Variants in CDK15 observed in about 807,000 individuals in gnomAD.
CDK15 encodes cyclin dependent kinase 15, also known as cyclin-dependent kinase 15.
Under a neutral mutation model 60.3 loss-of-function variants are expected in CDK15, and 62 were observed. The ratio of observed to expected loss-of-function variants is 1.03; its 90% CI spans 0.84 to 1.27. The LOEUF is 1.27. Ranked by LOEUF, CDK15 falls within the 50% of genes most tolerant of loss-of-function variation. The pLI is 0.00. For missense variants in CDK15, 541 were observed against 527.8 expected, an observed-to-expected ratio of 1.03 and a Z score of -0.25; for synonymous variants, 194 against 195.7, an observed-to-expected ratio of 0.99 and a Z score of 0.07.
At chr2:201,888,965 A>G (rs896846200) in intron 12 of CDK15, 1 of 986,254 alleles carries the variant, frequency 1.0e-6, no homozygotes, top group Admixed American at 6.1e-5. Flanking sequence ...AGAATACAAA[A>G]TTGCATATTA....
chr2:201,809,604 ACT>A (rs72486890), intron 3 of CDK15, among the ~76,000 whole-genome samples: 4,193 of 152,204 alleles, frequency 0.028, 164 homozygotes, highest in African/African-American at 0.089. Context: ...ATATATCAAA[ACT>A]CTACGTTAGA....
chr2:201,809,196 C>A (rs1182213274), intron 3 of CDK15, among the ~76,000 whole-genome samples: 1 of 152,150 alleles, frequency 6.6e-6, no homozygotes, highest in South Asian at 2.1e-4. Context: ...TGGCTCGGAA[C>A]GGGGGCACCC....
chr2:201,870,571 CA>C (rs1260277146), intron 10 of CDK15, among the ~76,000 whole-genome samples: 1 of 146,094 alleles, frequency 6.8e-6, no homozygotes, highest in Admixed American at 6.8e-5. Flanking sequence ...AAAAACAAAA[CA>C]AAACAAAAAA....
At chr2:201,839,281 T>C (rs1214884258) in intron 8 of CDK15, among the ~76,000 whole-genome samples, 1 of 152,208 alleles carries the variant, frequency 6.6e-6, no homozygotes, top group Non-Finnish European at 1.5e-5. Context: ...ATACATCAGA[T>C]AAACCTAGTT....
intron 4 of CDK15, among the ~76,000 whole-genome samples, chr2:201,822,090 G>T (rs1195130848): frequency 6.6e-6 from 1 of 152,110 alleles, no homozygotes; most frequent in East Asian, 1.9e-4. Flanking sequence ...CAGTCACTTG[G>T]CCTTTTGTGA....
At chr2:201,876,647 C>T in intron 11 of CDK15, 2 of 1,083,998 alleles carry the variant, frequency 1.8e-6, no homozygotes, top group Non-Finnish European at 2.5e-6. Flanking sequence ...CCAGAAACCA[C>T]CAGAAGCCCT....
At chr2:201,864,994 G>A (rs1368685978) in intron 10 of CDK15, among the ~76,000 whole-genome samples, 1 of 152,208 alleles carries the variant, frequency 6.6e-6, no homozygotes, top group Non-Finnish European at 1.5e-5. Context: ...GGCCAGTACT[G>A]CAGGACTGGG....
intron 10 of CDK15, among the ~76,000 whole-genome samples, chr2:201,860,044 G>T (rs1000924622): frequency 3.9e-5 from 6 of 152,200 alleles, no homozygotes; most frequent in Non-Finnish European, 7.3e-5. Flanking sequence ...CCCAGTTGTG[G>T]TTTTTAATGT....
intron 8 of CDK15, among the ~76,000 whole-genome samples, chr2:201,843,928 T>G (rs200561502): frequency 7.3e-5 from 2 of 27,400 alleles, no homozygotes; most frequent in East Asian, 3.2e-3. Context: ...CAAAATGACT[T>G]CTTGGTTCCC....
In CDK15 at chr2:201,812,471, C is replaced by T. The variant is rs765521687; in HGVS notation, c.369-12C>T. ...CTCAATAAGTGTGTGCCCCTCAATC[C>T]CTCTCTTCTAGAATAAATGGACAAC... On this transcript the variant is annotated splice_polypyrimidine_tract_variant and intron_variant, in intron 3 of 13. Transcript: ENST00000652192. 3.7e-6 allele frequency: 6 copies of T among 1,601,478 alleles called. No homozygotes were observed. Among genetic ancestry groups the T allele is most frequent in the Middle Eastern group, 1.7e-4 (1 of 6,028 alleles).
intron 3 of CDK15, among the ~76,000 whole-genome samples, chr2:201,811,569 C>T (rs1038291542): frequency 6.6e-6 from 1 of 152,090 alleles, no homozygotes; most frequent in Non-Finnish European, 1.5e-5. Context: ...GTATTAAAAA[C>T]AATGGATTTA....
At chr2:201,823,561 G>A in intron 5 of CDK15, 104 bp from the exon 6 acceptor site, 2 of 1,022,912 alleles carry the variant, frequency 2.0e-6, no homozygotes, top group South Asian at 1.3e-5. Flanking sequence ...TTAAAATTCT[G>A]TACTTCGTAA....
At chr2:201,816,463 T>TTTG (rs1553520801) in intron 4 of CDK15, among the ~76,000 whole-genome samples, 1 of 146,908 alleles carries the variant, frequency 6.8e-6, no homozygotes, top group Non-Finnish European at 1.5e-5. Flanking sequence ...TGGTTTTTTT[T>TTTG]TTTTTTTTTT....
chr2:201,810,938 G>A (rs1052850607), intron 3 of CDK15, among the ~76,000 whole-genome samples: 16 of 146,588 alleles, frequency 1.1e-4, no homozygotes, highest in Admixed American at 6.9e-5. Flanking sequence ...TCCGGCTCCC[G>A]GGTTCAAGCG....
intron 12 of CDK15, among the ~76,000 whole-genome samples, chr2:201,884,821 T>A (rs1331779559): frequency 6.6e-6 from 1 of 152,206 alleles, no homozygotes; most frequent in Admixed American, 6.5e-5. Flanking sequence ...TGAGTGTCCA[T>A]GAGGTGTGAT....
chr2:201,817,831 A>C (rs1696059830), intron 4 of CDK15, among the ~76,000 whole-genome samples: 1 of 152,248 alleles, frequency 6.6e-6, no homozygotes, highest in Admixed American at 6.5e-5. Context: ...ATGCCAGGAT[A>C]ATGGTATGTG....
intron 10 of CDK15, among the ~76,000 whole-genome samples, chr2:201,869,933 C>A (rs1305511317): frequency 6.6e-6 from 1 of 152,176 alleles, no homozygotes; most frequent in African/African-American, 2.4e-5. Context: ...ATATTCTTAT[C>A]TTTACTGGTT....
intron 9 of CDK15, among the ~76,000 whole-genome samples, chr2:201,850,182 C>T (rs539952043): frequency 6.6e-6 from 1 of 152,242 alleles, no homozygotes; most frequent in South Asian, 2.1e-4. Flanking sequence ...TGCCTATAGT[C>T]CCTACTGCTT....
chr2:201,810,837 C>CTTTTT (rs199591982), intron 3 of CDK15, among the ~76,000 whole-genome samples: 4 of 123,636 alleles, frequency 3.2e-5, no homozygotes, highest in African/African-American at 6.5e-5. Flanking sequence ...GGTATGCACT[C>CTTTTT]TTTTTTTTTT....
Sources: allele counts gnomAD v4.1 joint callset (sites outside exome capture counted in the v4.1 genomes callset), GRCh38; gene constraint gnomAD v4.1.1; transcripts MANE v1.5; gene names NCBI Gene and HGNC (gene_info 2026-07-23, HGNC 2026-07-21).